VGLL4: variants seen among roughly 807,000 people sequenced by gnomAD.
The protein encoded by VGLL4 is transcription cofactor vestigial-like protein 4.
A neutral mutation model predicts 21.0 loss-of-function variants in VGLL4; 7 were observed. The ratio of observed to expected loss-of-function variants is 0.33; its 90% CI spans 0.19 to 0.63. The LOEUF (loss-of-function observed/expected upper bound fraction) is 0.63. VGLL4 is among the 20% of genes least tolerant of loss of function. The pLI is 0.78. For missense variants in VGLL4, 394 were observed against 425.7 expected, an observed-to-expected ratio of 0.93 and a Z score of 0.66; for synonymous variants, 222 against 173.2, an observed-to-expected ratio of 1.28 and a Z score of -2.21.
At chr3:11,560,376 T>C (rs2072875052) in intron 3 of VGLL4, among the ~76,000 whole-genome samples, 2 of 152,178 alleles carry the variant, frequency 1.3e-5, no homozygotes, top group African/African-American at 2.4e-5. Context: ...TGGTGGAGTA[T>C]GTGGGCTAAG....
intron 2 of VGLL4, among the ~76,000 whole-genome samples, chr3:11,651,002 A>C (rs1414623703): frequency 6.6e-6 from 1 of 152,210 alleles, no homozygotes; most frequent in Non-Finnish European, 1.5e-5. Context: ...TTTGCTTCGT[A>C]ATCTACTTAA....
chr3:11,643,054 G>A (rs1467103779), intron 1 of VGLL4, among the ~76,000 whole-genome samples: 1 of 152,164 alleles, frequency 6.6e-6, no homozygotes, highest in East Asian at 1.9e-4. Context: ...AGTAGACGGT[G>A]CAATCCTTAC....
intron 2 of VGLL4, among the ~76,000 whole-genome samples, chr3:11,667,175 G>T (rs1371604701): frequency 2.0e-5 from 3 of 152,104 alleles, no homozygotes; most frequent in Non-Finnish European, 4.4e-5. Context: ...GATGCCTGCC[G>T]CATCTCAAAC....
intron 1 of VGLL4, among the ~76,000 whole-genome samples, chr3:11,617,883 GTTT>G (rs1470969255): frequency 2.0e-5 from 3 of 152,292 alleles, no homozygotes; most frequent in Admixed American, 6.5e-5. Context: ...GTCAGGTGAC[GTTT>G]TTATGTACTA....
chr3:11,718,441 C>G (rs1348186145), intron 1 of VGLL4, among the ~76,000 whole-genome samples: 1 of 152,196 alleles, frequency 6.6e-6, no homozygotes, highest in East Asian at 1.9e-4. Flanking sequence ...TCTCCTTAAA[C>G]TGCCCACTCT....
chr3:11,661,326 G>A (rs1338151245), intron 2 of VGLL4, among the ~76,000 whole-genome samples: 1 of 152,100 alleles, frequency 6.6e-6, no homozygotes, highest in African/African-American at 2.4e-5. Context: ...TAAGGTACAG[G>A]ACAAAGGAAG....
intron 1 of VGLL4, among the ~76,000 whole-genome samples, chr3:11,712,827 C>CAA (rs2076866330): frequency 1.3e-5 from 2 of 152,186 alleles, no homozygotes; most frequent in South Asian, 4.1e-4. Context: ...GTGACCGTTT[C>CAA]AACAGCGAGC....
intron 1 of VGLL4, among the ~76,000 whole-genome samples, chr3:11,638,521 T>C (rs942102652): frequency 9.9e-5 from 15 of 151,478 alleles, no homozygotes; most frequent in African/African-American, 3.6e-4. Context: ...CCTAGTTTCT[T>C]TCTCTCTCTC....
chr3:11,595,841 TGGGGG>T (rs1553727200), intron 2 of VGLL4, among the ~76,000 whole-genome samples: 1 of 26,962 alleles, frequency 3.7e-5, no homozygotes, highest in Non-Finnish European at 9.4e-5. Flanking sequence ...TGTTGTGGTG[TGGGGG>T]GGGCGGGGAA....
intron 2 of VGLL4, among the ~76,000 whole-genome samples, chr3:11,667,687 A>G (rs573376510): frequency 2.0e-5 from 3 of 152,168 alleles, no homozygotes; most frequent in African/African-American, 4.8e-5. Context: ...AAGCCATCTC[A>G]TTACAAATTT....
intron 2 of VGLL4, among the ~76,000 whole-genome samples, chr3:11,578,075 G>C (rs2074107443): frequency 6.6e-6 from 1 of 152,200 alleles, no homozygotes; most frequent in African/African-American, 2.4e-5. Flanking sequence ...GCACGTTTCT[G>C]AACGAAACAC....
intron 1 of VGLL4, among the ~76,000 whole-genome samples, chr3:11,708,251 G>GA (rs2076789249): frequency 6.6e-6 from 1 of 152,212 alleles, no homozygotes; most frequent in African/African-American, 2.4e-5. Flanking sequence ...AATCACAAAT[G>GA]ACAGTAAATG....
At chr3:11,713,568 T>TTTTATATA (rs149323078) in intron 1 of VGLL4, among the ~76,000 whole-genome samples, 10 of 140,294 alleles carry the variant, frequency 7.1e-5, no homozygotes, top group African/African-American at 2.2e-4. Flanking sequence ...TATATATTAT[T>TTTTATATA]TATATATATA....
rs1313990756 is a variant in VGLL4 at position 11,558,921 on chromosome 3, G to T, written c.620-94C>A. ...CCCTCCCTCAGGCAGCCCAGAGCCG[G>T]ACTGGCTGCCACGGTCAGCGTGGGC... On this transcript the variant is annotated intron_variant, in intron 4 of 4. Coordinates refer to ENST00000430365, the MANE Select transcript of VGLL4 (RefSeq NM_001128219.3). The T allele has an allele frequency of 8.3e-6, 12 of 1,444,498 alleles. No homozygotes were observed. In the African/African-American group the frequency reaches 1.3e-4, roughly 15 times the overall value. The allele number at this position is 1,444,498 out of a possible 1,614,324, so 89.5% of individuals were successfully genotyped here. A position where few individuals can be genotyped will look rare whatever the true frequency, so the allele number is the denominator to read the frequency against.
At chr3:11,624,551 G>C (rs1459562274) in intron 1 of VGLL4, among the ~76,000 whole-genome samples, 1 of 151,892 alleles carries the variant, frequency 6.6e-6, no homozygotes, top group Non-Finnish European at 1.5e-5. Context: ...TTTGCCTCTT[G>C]AGAGATCAGG....
intron 2 of VGLL4, among the ~76,000 whole-genome samples, chr3:11,664,217 G>A (rs950982095): frequency 2.0e-5 from 3 of 152,164 alleles, no homozygotes; most frequent in Admixed American, 6.5e-5. Flanking sequence ...CAGCCTGGGC[G>A]ACAGATCAAG....
intron 2 of VGLL4, among the ~76,000 whole-genome samples, chr3:11,659,010 A>T (rs1484984600): frequency 6.6e-6 from 1 of 152,190 alleles, no homozygotes; most frequent in Non-Finnish European, 1.5e-5. Context: ...GTCATGATAC[A>T]GGTGAACACC....
intron 2 of VGLL4, among the ~76,000 whole-genome samples, chr3:11,566,507 C>T (rs1052261739): frequency 6.6e-6 from 1 of 152,208 alleles, no homozygotes; most frequent in Non-Finnish European, 1.5e-5. Context: ...TTTTTAGCAG[C>T]TCAGCACGGG....
At chr3:11,649,995 A>G (rs1192009433) in intron 2 of VGLL4, among the ~76,000 whole-genome samples, 1 of 152,114 alleles carries the variant, frequency 6.6e-6, no homozygotes, top group Non-Finnish European at 1.5e-5. Context: ...GCTAGAGTGC[A>G]GTGGCTCAAT....
Sources: allele counts gnomAD v4.1 joint callset (sites outside exome capture counted in the v4.1 genomes callset), GRCh38; gene constraint gnomAD v4.1.1; transcripts MANE v1.5; gene names NCBI Gene and HGNC (gene_info 2026-07-23, HGNC 2026-07-21).